SORCS1: variants seen among roughly 807,000 people sequenced by gnomAD.
SORCS1 encodes VPS10 domain-containing receptor SorCS1.
SORCS1 carries 60 observed loss-of-function variants against 146.1 expected under a neutral mutation model. The observed-to-expected ratio is 0.41, with a 90% CI of 0.33 to 0.51. The LOEUF (loss-of-function observed/expected upper bound fraction) is 0.51. SORCS1 is among the 20% of genes least tolerant of loss of function. SORCS1 has a pLI of 0.21. For missense variants in SORCS1, 1,352 were observed against 1,487.6 expected (o/e 0.91, Z 1.50); for synonymous variants, 637 against 584.0 (o/e 1.09, Z -1.31).
upstream of SORCS1, among the ~76,000 whole-genome samples, chr10:107,165,619 G>C (rs2134973456): frequency 6.6e-6 from 1 of 152,242 alleles, no homozygotes; most frequent in African/African-American, 2.4e-5. This position sits in a 1 kb window ranked among gnomAD's most constrained non-coding sequence, Gnocchi z 4.0. Flanking sequence ...CCAGTCATTA[G>C]TTCAATAAAT....
In SORCS1 at chr10:106,612,402, C is replaced by A. The variant is rs1230763224; in HGVS notation, c.2921-379G>T. Among the ~76,000 whole-genome samples the A allele has an allele frequency of 6.2e-5, 9 of 144,062 alleles. No homozygotes were observed. In the South Asian group the frequency reaches 2.2e-3, roughly 35 times the overall value. 94.5% of individuals were successfully genotyped at this position (144,062 alleles called of 152,430 possible). A position where few individuals can be genotyped will look rare whatever the true frequency, so the allele number is the denominator to read the frequency against. On this transcript the variant is annotated intron_variant, in intron 21 of 25. Transcript: ENST00000263054. ...CCCCCTTTTCTCCCCCTCCCGCCCC[C>A]ACCCCCGCAGCGTGACCGATACCAT...
chr10:106,968,925 A>G (rs1316191178), intron 1 of SORCS1, among the ~76,000 whole-genome samples: 1 of 152,232 alleles, frequency 6.6e-6, no homozygotes, highest in African/African-American at 2.4e-5. Context: ...AAGAAATTAT[A>G]GTCAATCAAC....
At position 107,042,565 on chromosome 10, in the gene SORCS1, T is replaced by C. The variant is rs17121948; in HGVS notation, c.559-85985A>G. On this transcript the variant is annotated intron_variant, in intron 1 of 25. Transcript: ENST00000263054. ...TGGACAAATAAAGGGGTGGCTCTCATGCTGTGTACAGGGAACCCCTGATTT... is the reference window on the plus strand; with the variant it reads ...TGGACAAATAAAGGGGTGGCTCTCACGCTGTGTACAGGGAACCCCTGATTT... Among the ~76,000 whole-genome samples the C allele has an allele frequency of 5.5e-3, 833 of 152,204 alleles. 4 individuals carry two copies. The highest frequency in any genetic ancestry group is 0.019 in the African/African-American group (782 of 41,514).
intron 6 of SORCS1, among the ~76,000 whole-genome samples, chr10:106,723,058 G>A (rs993143872): frequency 6.6e-6 from 1 of 152,058 alleles, no homozygotes; most frequent in African/African-American, 2.4e-5. Context: ...TCTGGGTGTG[G>A]TGGCTCATGC....
intron 2 of SORCS1, among the ~76,000 whole-genome samples, chr10:106,949,686 C>A (rs904579303): frequency 6.6e-6 from 1 of 152,158 alleles, no homozygotes; most frequent in Non-Finnish European, 1.5e-5. Context: ...TGCTTTGTGC[C>A]CCTCCAAAAG....
chr10:107,027,583 T>G (rs1958463354), intron 1 of SORCS1, among the ~76,000 whole-genome samples: 1 of 152,106 alleles, frequency 6.6e-6, no homozygotes, highest in Non-Finnish European at 1.5e-5. Context: ...CATAAACCAT[T>G]ACACTCATCC....
chr10:106,986,891 A>G (rs1256876778), intron 1 of SORCS1, among the ~76,000 whole-genome samples: 1 of 152,156 alleles, frequency 6.6e-6, no homozygotes, highest in Non-Finnish European at 1.5e-5. Context: ...AAGCCCTTAA[A>G]CATATTTGCA....
At chr10:106,644,135 T>A (rs1390409939) in intron 18 of SORCS1, among the ~76,000 whole-genome samples, 1 of 152,296 alleles carries the variant, frequency 6.6e-6, no homozygotes, top group Admixed American at 6.5e-5. Flanking sequence ...AAGTACTATA[T>A]TTTATATGGA....
intron 1 of SORCS1, among the ~76,000 whole-genome samples, chr10:107,051,373 C>A (rs1276548191): frequency 6.6e-6 from 1 of 152,086 alleles, no homozygotes. Context: ...GCCATTTTGT[C>A]AAGTCCATAG....
the SORCS1 span, among the ~76,000 whole-genome samples, chr10:107,170,361 G>A: frequency 6.6e-6 from 1 of 152,098 alleles, no homozygotes; most frequent in African/African-American, 2.4e-5. Context: ...TGTTGCTTCA[G>A]GAATACTGAC....
At chr10:106,931,468 G>A (rs1363715401) in intron 2 of SORCS1, among the ~76,000 whole-genome samples, 2 of 152,138 alleles carry the variant, frequency 1.3e-5, no homozygotes, top group Non-Finnish European at 2.9e-5. Context: ...GAAAATACTT[G>A]GTAATAAGGA....
intron 5 of SORCS1, among the ~76,000 whole-genome samples, chr10:106,750,761 A>AAAAAG (rs869307268): frequency 1.2e-5 from 1 of 82,914 alleles, no homozygotes; most frequent in Non-Finnish European, 2.5e-5. Context: ...AAAAAAAAAA[A>AAAAAG]GAAAAGAAAA....
At chr10:106,888,217 A>G (rs1442904761) in intron 2 of SORCS1, among the ~76,000 whole-genome samples, 1 of 152,242 alleles carries the variant, frequency 6.6e-6, no homozygotes, top group Non-Finnish European at 1.5e-5. Flanking sequence ...AAGAAAAAAA[A>G]GTAAAATACT....
At chr10:106,641,518 A>T (rs1201463558) in intron 18 of SORCS1, among the ~76,000 whole-genome samples, 1 of 152,196 alleles carries the variant, frequency 6.6e-6, no homozygotes, top group Non-Finnish European at 1.5e-5. Flanking sequence ...GGATTAAGGA[A>T]GAGATTTAGA....
intron 1 of SORCS1, among the ~76,000 whole-genome samples, chr10:107,026,845 G>A (rs1249243852): frequency 6.6e-6 from 1 of 151,698 alleles, no homozygotes; most frequent in Non-Finnish European, 1.5e-5. Context: ...ACCAGTTAAA[G>A]AGCGGATTGT....
At chr10:106,802,722 C>A (rs1269220884) in intron 3 of SORCS1, among the ~76,000 whole-genome samples, 2 of 152,156 alleles carry the variant, frequency 1.3e-5, no homozygotes, top group Non-Finnish European at 2.9e-5. Context: ...TGGTTTCGAA[C>A]TCCTGACGTC....
chr10:107,077,920 T>C (rs1191141456), intron 1 of SORCS1, among the ~76,000 whole-genome samples: 1 of 152,134 alleles, frequency 6.6e-6, no homozygotes, highest in Non-Finnish European at 1.5e-5. Flanking sequence ...GGTGAGAATT[T>C]AAAAAATCAG....
At chr10:107,033,281 T>G (rs1479518904) in intron 1 of SORCS1, among the ~76,000 whole-genome samples, 1 of 152,088 alleles carries the variant, frequency 6.6e-6, no homozygotes, top group Non-Finnish European at 1.5e-5. Flanking sequence ...ACCCCCATGA[T>G]CCAATCACCT....
At chr10:106,924,612 G>A (rs1952907855) in intron 2 of SORCS1, among the ~76,000 whole-genome samples, 1 of 152,106 alleles carries the variant, frequency 6.6e-6, no homozygotes. Context: ...AGGATAGGTG[G>A]TATGGAAGGA....
Sources: gnomAD v4.1 joint callset for allele counts (sites outside exome capture counted in the v4.1 genomes callset) on GRCh38, gnomAD v4.1.1 for gene constraint, Gnocchi (gnomAD v3.1) non-coding constraint, MANE v1.5 for transcripts, NCBI Gene and HGNC (gene_info 2026-07-23, HGNC 2026-07-21) for gene names.